The following ACADM variants were observed in gnomAD, a reference collection of about 807,000 sequenced individuals.
The protein encoded by ACADM is acyl-CoA dehydrogenase medium chain.
A neutral mutation model predicts 58.9 loss-of-function variants in ACADM; 49 were observed. The observed-to-expected ratio is 0.83, with a 90% CI of 0.66 to 1.06. The LOEUF is 1.06. ACADM is among the 50% of genes least tolerant of loss of function. The probability of loss-of-function intolerance (pLI) is 0.00; values close to 1 mark genes in which losing one functional copy is unlikely to be tolerated. For synonymous variants in ACADM, 160 were observed against 157.7 expected (o/e 1.01, Z -0.11); for missense variants, 496 against 507.0 (o/e 0.98, Z 0.21).
intron 7 of ACADM, 85 bp downstream of exon 7, chr1:75,740,195 A>G: frequency 7.3e-7 from 1 of 1,368,114 alleles, no homozygotes. Flanking sequence ...TTTTTAAACC[A>G]CTACAGTTAA....
intron 11 of ACADM, 141 bp from the exon 12 acceptor site, chr1:75,762,551 T>C: frequency 2.2e-6 from 1 of 450,444 alleles, no homozygotes; most frequent in Non-Finnish European, 4.1e-6. Flanking sequence ...GGTTTTGGAA[T>C]CTGTAGAGGC....
In ACADM at chr1:75,735,760, C is replaced by G. The variant is rs148565539; in HGVS notation, c.468+889C>G. Among the ~76,000 whole-genome samples, 976 of 151,154 alleles carry G rather than the reference C, an allele frequency of 6.5e-3. 4 individuals are homozygous for G. The highest frequency in any genetic ancestry group is 0.011 in the Non-Finnish European group (748 of 67,886). ...TTGGGAGGCTGAGGCATGAGAATCT[C>G]TTGAACCTGGGAGGCAGAGGTTGCT... On this transcript the variant is annotated intron_variant, in intron 6 of 11. Coordinates refer to ENST00000370841, the MANE Select transcript of ACADM (RefSeq NM_000016.6).
intron 10 of ACADM, among the ~76,000 whole-genome samples, chr1:75,758,560 G>A (rs996087100): frequency 2.6e-5 from 4 of 152,164 alleles, no homozygotes; most frequent in Non-Finnish European, 4.4e-5. Flanking sequence ...TGGAGGACTT[G>A]TCTGTCTAGC....
rs747544512 is a variant in ACADM, at chr1:75,745,799, C to T, written c.600-7C>T. ...TATCACCATTATCCGGTATGTGTAT[C>T]TCTTAGGTATTTTTTATTGGCACGT... On this transcript the variant is annotated splice_region_variant and splice_polypyrimidine_tract_variant and intron_variant, in intron 7 of 11. Transcript: ENST00000370841. The T allele has an allele frequency of 6.3e-7, 1 of 1,594,872 alleles. No individual in the cohort carries two copies. The highest frequency in any genetic ancestry group is 1.3e-5 in the African/African-American group (1 of 74,564).
At chr1:75,736,429 A>G (rs2100377551) in intron 6 of ACADM, among the ~76,000 whole-genome samples, 1 of 147,476 alleles carries the variant, frequency 6.8e-6, no homozygotes, top group East Asian at 1.9e-4. Context: ...AGGAATTTGT[A>G]CATATTTGCT....
chr1:75,756,292 T>C (rs1648501835), intron 10 of ACADM, among the ~76,000 whole-genome samples: 1 of 152,190 alleles, frequency 6.6e-6, no homozygotes, highest in African/African-American at 2.4e-5. Flanking sequence ...TTTGCACATG[T>C]CATGATTGTT....
chr1:75,747,366 A>G (rs1557456151), intron 8 of ACADM, among the ~76,000 whole-genome samples: 1 of 152,234 alleles, frequency 6.6e-6, no homozygotes, highest in Non-Finnish European at 1.5e-5. Flanking sequence ...ATGGATCAAA[A>G]TAGACAAAAA....
chr1:75,742,397 G>A (rs1015739240), intron 7 of ACADM, among the ~76,000 whole-genome samples: 4 of 152,086 alleles, frequency 2.6e-5, no homozygotes, highest in African/African-American at 9.7e-5. Context: ...CCCAGTCCAC[G>A]TCCTCCAAAT....
chr1:75,724,717 C>G lies in ACADM; in HGVS notation c.-71C>G. 1 of 1,529,020 alleles carries G rather than the reference C, an allele frequency of 6.5e-7. No homozygotes were observed. The highest frequency in any genetic ancestry group is 8.8e-7 in the Non-Finnish European group (1 of 1,132,644). 94.7% of individuals were successfully genotyped at this position (1,529,020 alleles called of 1,614,324 possible). A position where few individuals can be genotyped will look rare whatever the true frequency, so the allele number is the denominator to read the frequency against. ...CTCCAGTGGGCGGGACCAGAGGAGTCCCGCGTTCGGGGAGTATGTCAAGGC... is the reference window on the plus strand; with the variant it reads ...CTCCAGTGGGCGGGACCAGAGGAGTGCCGCGTTCGGGGAGTATGTCAAGGC... On this transcript the variant is annotated 5_prime_UTR_variant, in exon 1 of 12. Coordinates refer to ENST00000370841, the MANE Select transcript of ACADM (RefSeq NM_000016.6).
chr1:75,732,897 G>A lies in ACADM; in HGVS notation c.261G>A (p.Met87Ile), dbSNP rs1057522841. 6.2e-7 allele frequency: 1 copy of A among 1,613,976 alleles called. No individual in the cohort carries two copies. Among genetic ancestry groups the A allele is most frequent in the Non-Finnish European group, 8.5e-7 (1 of 1,179,914 alleles). The change falls in exon 4 of 12, where the codon ATG becomes ATA. Residue 87 changes from methionine (M) to isoleucine (I), a missense_variant. Coordinates refer to ENST00000370841, the MANE Select transcript of ACADM (RefSeq NM_000016.6). ...GAAGAGCCTGGGAACTTGGTTTAAT[G>A]AACACACACATTCCAGAGAACTGTG... is the stretch of plus-strand genomic sequence containing the variant. ...LIRRAWELGL[M>I]NTHIPENCGG...
intron 1 of ACADM, 93 bp downstream of exon 1, chr1:75,724,910 A>G: frequency 7.8e-7 from 1 of 1,277,386 alleles, no homozygotes; most frequent in Non-Finnish European, 1.0e-6. Flanking sequence ...TGCGGCCGGG[A>G]GGAGTGGGAA....
chr1:75,756,799 A>T (rs1648531473), intron 10 of ACADM, among the ~76,000 whole-genome samples: 1 of 152,198 alleles, frequency 6.6e-6, no homozygotes, highest in African/African-American at 2.4e-5. Flanking sequence ...ATGCTACCTG[A>T]CTTCAAACTA....
At chr1:75,762,429 T>G (rs1648904325) in intron 11 of ACADM, among the ~76,000 whole-genome samples, 1 of 152,148 alleles carries the variant, frequency 6.6e-6, no homozygotes, top group Admixed American at 6.6e-5. Flanking sequence ...TGTAAATATC[T>G]TTTCTTTTTT....
In ACADM at chr1:75,728,471, G is replaced by A; in HGVS notation, c.101G>A (p.Gly34Glu). 2 of 1,613,026 alleles carry A rather than the reference G, an allele frequency of 1.2e-6. No homozygotes were observed. The highest frequency in any genetic ancestry group is 1.7e-6 in the Non-Finnish European group (2 of 1,179,226). The change falls in exon 2 of 12, where the codon GGA (glycine) becomes GAA (glutamate). Residue 34 changes from glycine (G) to glutamate (E), a missense_variant. Physicochemically the swap from Gly to Glu is moderately conservative, Grantham distance 98. Coordinates refer to ENST00000370841, the MANE Select transcript of ACADM (RefSeq NM_000016.6). ...HTKANRQREP[G>E]LGFSFEFTEQ... ...AAAGCCAATCGACAACGTGAACCAGGATTAGGATTTAGTTTTGGTATATGT... is the reference window on the plus strand; with the variant it reads ...AAAGCCAATCGACAACGTGAACCAGAATTAGGATTTAGTTTTGGTATATGT...
At chr1:75,736,748 T>G (rs1647280278) in intron 6 of ACADM, among the ~76,000 whole-genome samples, 1 of 152,222 alleles carries the variant, frequency 6.6e-6, no homozygotes, top group Non-Finnish European at 1.5e-5. Flanking sequence ...CTTTTCTAAT[T>G]ATAAAATACT....
In ACADM at chr1:75,732,901, A is replaced by G. The variant is rs371194356; in HGVS notation, c.265A>G (p.Thr89Ala). The G allele has an allele frequency of 3.7e-6, 6 of 1,614,048 alleles. No homozygotes were observed. The African/African-American group carries it at 6.7e-5, about 18-fold the overall frequency. Residue 89 changes from threonine (T) to alanine (A), a missense_variant, in exon 4 of 12, where the codon ACA becomes GCA. Thr to Ala is a moderately conservative substitution (Grantham distance 58, BLOSUM62 0). Coordinates refer to ENST00000370841, the MANE Select transcript of ACADM (RefSeq NM_000016.6). ...AGCCTGGGAACTTGGTTTAATGAAC[A>G]CACACATTCCAGAGAACTGTGGTAA... ...RRAWELGLMN[T>A]HIPENCGGLG...
chr1:75,760,350 G>A (rs1648761321), intron 10 of ACADM, among the ~76,000 whole-genome samples: 1 of 149,708 alleles, frequency 6.7e-6, no homozygotes. Flanking sequence ...TGAACCTGGG[G>A]GGCAGAGGTT....
intron 6 of ACADM, 54 bp from the exon 7 acceptor site, chr1:75,739,926 C>T: frequency 6.6e-6 from 9 of 1,370,934 alleles, no homozygotes; most frequent in Middle Eastern, 3.8e-4. Context: ...TCCAAACAGT[C>T]AAAATTTAAT....
chr1:75,747,456 T>C (rs1305948930), intron 8 of ACADM, among the ~76,000 whole-genome samples: 2 of 152,216 alleles, frequency 1.3e-5, no homozygotes, highest in Non-Finnish European at 2.9e-5. Flanking sequence ...CTTAAATCTT[T>C]ATTGAAACAA....
Sources: gnomAD v4.1 joint callset for allele counts (sites outside exome capture counted in the v4.1 genomes callset) on GRCh38, gnomAD v4.1.1 for gene constraint, MANE v1.5 for transcripts, NCBI Gene and HGNC (gene_info 2026-07-23, HGNC 2026-07-21) for gene names.